The following ANGPTL5 variants were observed in gnomAD, a reference collection of about 807,000 sequenced individuals.
ANGPTL5 encodes angiopoietin like 5.
ANGPTL5 carries 34 observed loss-of-function variants against 39.4 expected under a neutral mutation model. That is an observed-to-expected ratio of 0.86 (90% CI 0.66 to 1.15). The LOEUF is 1.15. Ranked by LOEUF, ANGPTL5 falls within the 50% of genes most tolerant of loss-of-function variation. The pLI, the probability that ANGPTL5 is intolerant of heterozygous loss-of-function variation, is 0.00. For missense variants in ANGPTL5, 467 were observed against 457.5 expected, an observed-to-expected ratio of 1.02 and a Z score of -0.19; for synonymous variants, 146 against 152.1, an observed-to-expected ratio of 0.96 and a Z score of 0.29.
At chr11:101,905,901 TAC>T in intron 3 of ANGPTL5, 54 bp from the exon 4 acceptor site, 1 of 1,038,822 alleles carries the variant, frequency 9.6e-7, no homozygotes, top group South Asian at 1.3e-5. Flanking sequence ...AGAAAACAAT[TAC>T]AGTGAAAAAT....
chr11:101,895,191 C>T, intron 7 of ANGPTL5, 127 bp from the exon 8 acceptor site: 1 of 759,298 alleles, frequency 1.3e-6, no homozygotes. Context: ...ATTAAAGGCA[C>T]TGGATGACCT....
intron 1 of ANGPTL5, among the ~76,000 whole-genome samples, chr11:101,910,410 C>CAA (rs200542892): frequency 1.2e-4 from 15 of 120,976 alleles, no homozygotes; most frequent in South Asian, 5.4e-4. Context: ...AACTCCGTCT[C>CAA]AAAAAAAAAA....
Position 101,902,721 on chromosome 11 carries a change from C to T in ANGPTL5, c.440G>A (p.Gly147Asp), listed in dbSNP as rs770985278. 6.3e-7 allele frequency: 1 copy of T among 1,578,026 alleles called. No homozygotes were observed. Among genetic ancestry groups the T allele is most frequent in the Admixed American group, 1.7e-5 (1 of 59,710 alleles). Residue 147 changes from glycine to aspartate, a missense_variant and splice_region_variant, in exon 6 of 9, where the codon GGT (glycine) becomes GAT (aspartate). Gly to Asp is a moderately conservative substitution (Grantham distance 94, BLOSUM62 -1). Transcript: ENST00000334289. ...ATCCTTAATATCAGTGCAATCTAAA[C>T]CTAGAAAAGCAAAATTATTTAATTG... ...PFPHRPVQSHGLDCTDIKDTI... is the reference protein window; with the variant it reads ...PFPHRPVQSHDLDCTDIKDTI...
intron 6 of ANGPTL5, among the ~76,000 whole-genome samples, chr11:101,900,998 C>A (rs889038408): frequency 2.0e-5 from 3 of 149,802 alleles, no homozygotes; most frequent in African/African-American, 7.4e-5. Flanking sequence ...ACTACAGGCG[C>A]CCGCTAGCAC....
chr11:101,905,562 T>C (rs1214795832), intron 4 of ANGPTL5, among the ~76,000 whole-genome samples, 182 bp downstream of exon 4: 1 of 152,194 alleles, frequency 6.6e-6, no homozygotes, highest in Non-Finnish European at 1.5e-5. Flanking sequence ...ACCATACCCC[T>C]TGAATTAAGT....
chr11:101,898,246 A>C (rs890497620), intron 7 of ANGPTL5, among the ~76,000 whole-genome samples: 3 of 152,218 alleles, frequency 2.0e-5, no homozygotes, highest in African/African-American at 7.2e-5. Flanking sequence ...TACTTTGGGC[A>C]GTATGGCCAT....
rs1939873729 is a variant in ANGPTL5 at position 101,900,492 on chromosome 11, T to C, written c.599A>G (p.Asp200Gly). The part of the protein sequence containing the change: ...GGRTVIQKRI[D>G]GIIDFQRLWC... Reference sequence around the variant, plus strand: ...CAACCTCTGGAAATCAATTATCCCATCAATTCTTTTCTGTATCACAGTCCG... The same window carrying C: ...CAACCTCTGGAAATCAATTATCCCACCAATTCTTTTCTGTATCACAGTCCG... Residue 200 changes from aspartate (D) to glycine (G), a missense_variant, in exon 7 of 9, where the codon GAT becomes GGT. Physicochemically the swap from Asp to Gly is moderately conservative, Grantham distance 94. Coordinates refer to ENST00000334289, the MANE Select transcript of ANGPTL5 (RefSeq NM_178127.5). 6.2e-7 allele frequency: 1 copy of C among 1,612,974 alleles called. No individual in the cohort carries two copies. Among genetic ancestry groups the C allele is most frequent in the Non-Finnish European group, 8.5e-7 (1 of 1,179,110 alleles).
chr11:101,901,015 C>CTTTTTTTT (rs34425298), intron 6 of ANGPTL5, among the ~76,000 whole-genome samples: 51 of 98,610 alleles, frequency 5.2e-4, no homozygotes, highest in African/African-American at 1.6e-3. Context: ...GCACCCCCGG[C>CTTTTTTTT]TTTTTTTTTT....
At chr11:101,902,532 A>G in intron 6 of ANGPTL5, 89 bp downstream of exon 6, 1 of 1,049,872 alleles carries the variant, frequency 9.5e-7, no homozygotes. Context: ...ATTAAATATT[A>G]AAACAATTTA....
chr11:101,894,773 A>T, intron 8 of ANGPTL5, 106 bp downstream of exon 8: 4 of 1,072,356 alleles, frequency 3.7e-6, no homozygotes, highest in African/African-American at 1.6e-5. Context: ...TCCTGTTATC[A>T]GTTATGTGTT....
intron 5 of ANGPTL5, among the ~76,000 whole-genome samples, chr11:101,904,134 A>G (rs1039599169): frequency 1.3e-5 from 2 of 152,174 alleles, no homozygotes; most frequent in Non-Finnish European, 2.9e-5. Context: ...TAATTTTAAT[A>G]ACAAAATAAT....
chr11:101,907,667 A>G, intron 2 of ANGPTL5, 147 bp downstream of exon 2: 1 of 618,646 alleles, frequency 1.6e-6, no homozygotes, highest in Non-Finnish European at 2.8e-6. Flanking sequence ...AGTAATATTA[A>G]AGCAATTTTC....
chr11:101,901,015 CTTTTTTT>C (rs34425298), intron 6 of ANGPTL5, among the ~76,000 whole-genome samples: 2 of 98,658 alleles, frequency 2.0e-5, no homozygotes, highest in Non-Finnish European at 1.9e-5. Context: ...GCACCCCCGG[CTTTTTTT>C]TTTTTTTTTT....
chr11:101,914,087 A>G (rs149406863), intron 1 of ANGPTL5, among the ~76,000 whole-genome samples: 200 of 152,382 alleles, frequency 1.3e-3, no homozygotes, highest in African/African-American at 4.5e-3. Context: ...TGTTTTAAAC[A>G]GTTTCAACTG....
In ANGPTL5 at chr11:101,894,952, T is replaced by G. The variant is rs766085990; in HGVS notation, c.774A>C (p.Ser258=). 6.2e-7 allele frequency: 1 copy of G among 1,613,096 alleles called. No individual in the cohort carries two copies. Among genetic ancestry groups the G allele is most frequent in the South Asian group, 1.1e-5 (1 of 91,056 alleles). ...CATCCTCTAGCCAAAAATTATCATATGATGCATAAGCAAGAGTGTCATCTT... is the reference window on the plus strand; with the variant it reads ...CATCCTCTAGCCAAAAATTATCATAGGATGCATAAGCAAGAGTGTCATCTT... The part of the protein sequence containing the change: ...ESEDDTLAYA[S]YDNFWLEDET... Residue 258 remains serine (S), a synonymous_variant, in exon 8 of 9, where the codon TCA becomes TCC. Coordinates refer to ENST00000334289, the MANE Select transcript of ANGPTL5 (RefSeq NM_178127.5).
chr11:101,907,240 G>A lies in ANGPTL5; in HGVS notation c.104C>T (p.Ser35Leu), dbSNP rs779313358. Residue 35 changes from serine (S) to leucine (L), a missense_variant, in exon 3 of 9, where the codon TCA becomes TTA. Physicochemically the swap from Ser to Leu is moderately radical, Grantham distance 145. Coordinates refer to ENST00000334289, the MANE Select transcript of ANGPTL5 (RefSeq NM_178127.5). Reference protein sequence around the residue: ...GNCVHHSTDSSVVNIVEDGSN... With the variant: ...GNCVHHSTDSLVVNIVEDGSN... ...TCCATCTTCTACAATGTTAACTACT[G>A]AAGAGTCCTTTATATTAAAAAATAG... 1 of 1,492,540 alleles carries A rather than the reference G, an allele frequency of 6.7e-7. No homozygotes were observed. The highest frequency in any genetic ancestry group is 2.3e-5 in the East Asian group (1 of 42,632). The allele number at this position is 1,492,540 out of a possible 1,614,324, so 92.5% of individuals were successfully genotyped here.
At chr11:101,892,614 C>G (rs1333433427) in intron 8 of ANGPTL5, among the ~76,000 whole-genome samples, 1 of 152,158 alleles carries the variant, frequency 6.6e-6, no homozygotes, top group African/African-American at 2.4e-5. Flanking sequence ...CCAGTTAACT[C>G]AGTGGCAGGA....
chr11:101,914,909 C>A (rs1366308799), intron 1 of ANGPTL5: 2 of 201,100 alleles, frequency 9.9e-6, no homozygotes, highest in Non-Finnish European at 2.0e-5. Flanking sequence ...TGCCACCCGC[C>A]GCTCGAAGCT....
intron 5 of ANGPTL5, among the ~76,000 whole-genome samples, chr11:101,903,208 A>C (rs1939937853): frequency 6.6e-6 from 1 of 152,122 alleles, no homozygotes; most frequent in Admixed American, 6.5e-5. Flanking sequence ...TAATACAAGT[A>C]GCCAAAGGAA....
Sources: allele counts gnomAD v4.1 joint callset (sites outside exome capture counted in the v4.1 genomes callset), GRCh38; gene constraint gnomAD v4.1.1; transcripts MANE v1.5; gene names NCBI Gene and HGNC (gene_info 2026-07-23, HGNC 2026-07-21).